Variants in ORC3 observed in about 807,000 individuals in gnomAD.
ORC3 encodes homolog of latheo, Drosophila.
ORC3 carries 78 observed loss-of-function variants against 100.7 expected under a neutral mutation model. That is an observed-to-expected ratio of 0.77 (90% CI 0.65 to 0.94). The LOEUF (loss-of-function observed/expected upper bound fraction) is 0.94, where lower values mean the gene tolerates loss of function less well. Ranked by LOEUF, ORC3 falls within the 40% of genes least tolerant of loss-of-function variation. The probability of loss-of-function intolerance (pLI) is 0.00; values close to 1 mark genes in which losing one functional copy is unlikely to be tolerated. For synonymous variants in ORC3, 295 were observed against 289.3 expected (o/e 1.02, Z -0.20); for missense variants, 789 against 823.9 (o/e 0.96, Z 0.52).
chr6:87,590,453 C>G (rs1776722825), intron 1 of ORC3, among the ~76,000 whole-genome samples: 1 of 152,116 alleles, frequency 6.6e-6, no homozygotes. Context: ...ATGATGTGGC[C>G]CAGTCTCTCA....
At chr6:87,651,901 CT>C (rs113631905) in intron 13 of ORC3, among the ~76,000 whole-genome samples, 457 of 142,482 alleles carry the variant, frequency 3.2e-3, no homozygotes, top group African/African-American at 6.0e-3. Context: ...AATATTAGAA[CT>C]TTTTTTTTTT....
intron 13 of ORC3, among the ~76,000 whole-genome samples, chr6:87,643,435 G>A (rs35688969): frequency 0.058 from 8,783 of 151,754 alleles, 312 homozygotes; most frequent in African/African-American, 0.099. Context: ...AGCGGGGAGG[G>A]GGAAACTTTT....
the ORC3 span, among the ~76,000 whole-genome samples, chr6:87,676,774 C>T: frequency 2.1e-5 from 3 of 142,726 alleles, no homozygotes; most frequent in Non-Finnish European, 3.0e-5. Flanking sequence ...AGTGAGACTC[C>T]ATCTTAAAAA....
At chr6:87,651,624 G>C (rs1769276620) in intron 13 of ORC3, among the ~76,000 whole-genome samples, 1 of 152,072 alleles carries the variant, frequency 6.6e-6, no homozygotes, top group African/African-American at 2.4e-5. Flanking sequence ...AAAAAACCCT[G>C]TGGAAATTTA....
downstream of ORC3, among the ~76,000 whole-genome samples, chr6:87,669,088 T>C (rs560295896): frequency 6.6e-6 from 1 of 152,214 alleles, no homozygotes; most frequent in South Asian, 2.1e-4. Context: ...ACCCAGAAGG[T>C]GGAGGTTGTA....
chr6:87,597,144 G>C (rs997704965), intron 2 of ORC3, among the ~76,000 whole-genome samples: 1 of 151,908 alleles, frequency 6.6e-6, no homozygotes, highest in Non-Finnish European at 1.5e-5. Context: ...GATAATCTTG[G>C]GAATGAGACC....
rs1245293547 is a variant in ORC3, at chr6:87,664,400, G to A, written c.1834-343G>A. Among the ~76,000 whole-genome samples, 3 of 152,064 alleles carry A rather than the reference G, an allele frequency of 2.0e-5. No individual in the cohort carries two copies. In the East Asian group the frequency reaches 5.8e-4, roughly 29 times the overall value. ...TAGAATTCAGCTAATTATAAGTGTT[G>A]GAAGTACCATTTTATTAAGTATTCC... On this transcript the variant is annotated intron_variant, in intron 17 of 19. Transcript: ENST00000392844.
chr6:87,592,815 C>T (rs146224384), intron 1 of ORC3, among the ~76,000 whole-genome samples: 35 of 150,406 alleles, frequency 2.3e-4, no homozygotes, highest in South Asian at 4.2e-4. Flanking sequence ...TCCATCAGGC[C>T]GGGTGCAGTG....
intron 13 of ORC3, among the ~76,000 whole-genome samples, chr6:87,640,188 C>A (rs879518406): frequency 2.6e-5 from 4 of 152,098 alleles, no homozygotes; most frequent in Admixed American, 6.6e-5. Flanking sequence ...CCCAATAAAA[C>A]TGTTGAAACC....
chr6:87,607,574 CA>C (rs10706424), intron 5 of ORC3, 98 bp from the exon 6 acceptor site: 785,138 of 819,656 alleles, frequency 0.96, 375,904 homozygotes, highest in East Asian at 0.99. Context: ...CACATTCTAC[CA>C]AAAAAAAAAG....
chr6:87,647,735 G>C (rs1768914045), intron 13 of ORC3, among the ~76,000 whole-genome samples: 1 of 152,130 alleles, frequency 6.6e-6, no homozygotes, highest in Non-Finnish European at 1.5e-5. Flanking sequence ...TTGAATGATT[G>C]GTTCATGACT....
In ORC3 at chr6:87,653,192, C is replaced by T. The variant is rs1769412227; in HGVS notation, c.1459C>T (p.Leu487Phe). The change falls in exon 14 of 20, where the codon CTT (leucine) becomes TTT (phenylalanine). Residue 487 changes from leucine (L) to phenylalanine (F), a missense_variant. This residue lies in a region of ORC3 where 366 missense variants were observed against 394.2 expected (regional missense o/e 0.93). Transcript: ENST00000392844. ...TTTTAAGTCTTATTGTGAAAACCAC[C>T]TTGGCAGCACAGCTAAGAGAATAGA... is the stretch of plus-strand genomic sequence containing the variant. ...KVFKSYCENHLGSTAKRIEEF... is the reference protein window; with the variant it reads ...KVFKSYCENHFGSTAKRIEEF... The T allele has an allele frequency of 6.2e-7, 1 of 1,613,718 alleles. No individual in the cohort carries two copies. Among genetic ancestry groups the T allele is most frequent in the Non-Finnish European group, 8.5e-7 (1 of 1,179,804 alleles).
intron 18 of ORC3, 36 bp from the exon 19 acceptor site, chr6:87,665,718 A>G: frequency 7.6e-7 from 1 of 1,322,198 alleles, no homozygotes; most frequent in Non-Finnish European, 1.1e-6. Context: ...GCAACTGTAG[A>G]CATTTTTATT....
At chr6:87,659,026 G>GT (rs1042142899) in intron 16 of ORC3, among the ~76,000 whole-genome samples, 2 of 141,502 alleles carry the variant, frequency 1.4e-5, no homozygotes, top group Non-Finnish European at 3.1e-5. Flanking sequence ...GTGGGGCGGG[G>GT]GGGGGAGAAC....
intron 4 of ORC3, 126 bp from the exon 5 acceptor site, chr6:87,605,791 C>A: frequency 1.7e-6 from 1 of 582,966 alleles, no homozygotes; most frequent in Non-Finnish European, 3.1e-6. Context: ...TAGTATATTT[C>A]CTTGGTTTCT....
chr6:87,612,317 AAC>A, intron 8 of ORC3, 69 bp downstream of exon 8: 1 of 1,031,264 alleles, frequency 9.7e-7, no homozygotes, highest in Non-Finnish European at 1.4e-6. Context: ...TTGTTAAGAT[AAC>A]TGTTAACAAT....
intron 1 of ORC3, among the ~76,000 whole-genome samples, chr6:87,590,783 A>G (rs547813740): frequency 1.1e-4 from 17 of 152,228 alleles, no homozygotes; most frequent in Non-Finnish European, 2.1e-4. Context: ...TCTTCGGCCC[A>G]GAAGATAGAA....
chr6:87,606,235 C>T (rs1008730111), intron 5 of ORC3, among the ~76,000 whole-genome samples: 6 of 152,138 alleles, frequency 3.9e-5, no homozygotes, highest in Non-Finnish European at 8.8e-5. Context: ...CCATTTCTGC[C>T]CTATCAGCTT....
At chr6:87,629,504 G>A (rs1780155931) in intron 11 of ORC3, among the ~76,000 whole-genome samples, 1 of 152,122 alleles carries the variant, frequency 6.6e-6, no homozygotes, top group Admixed American at 6.6e-5. Flanking sequence ...CTCCTCCAGA[G>A]AAAGCAGCTA....
Sources: allele counts gnomAD v4.1 joint callset (sites outside exome capture counted in the v4.1 genomes callset), GRCh38; gene constraint gnomAD v4.1.1; regional missense constraint gnomAD v4.1.1; transcripts MANE v1.5; gene names NCBI Gene and HGNC (gene_info 2026-07-23, HGNC 2026-07-21).